KIF2C: variants seen among roughly 807,000 people sequenced by gnomAD.
KIF2C encodes kinesin family member 2C.
KIF2C carries 34 observed loss-of-function variants against 97.4 expected under a neutral mutation model. The observed-to-expected ratio is 0.35, with a 90% CI of 0.27 to 0.46. The LOEUF is 0.46. KIF2C is among the 20% of genes least tolerant of loss of function. The probability of loss-of-function intolerance (pLI) is 1.00; values close to 1 mark genes in which losing one functional copy is unlikely to be tolerated. For missense variants in KIF2C, 750 were observed against 907.6 expected (o/e 0.83, Z 2.23); for synonymous variants, 313 against 318.2 (o/e 0.98, Z 0.17).
At chr1:44,742,952 C>A (rs1311402691) in intron 2 of KIF2C, among the ~76,000 whole-genome samples, 1 of 152,154 alleles carries the variant, frequency 6.6e-6, no homozygotes, top group African/African-American at 2.4e-5. Flanking sequence ...GAGGTGGAAA[C>A]TTGCTGAGAA....
chr1:44,766,471 C>T (rs536277625), intron 19 of KIF2C, among the ~76,000 whole-genome samples: 3 of 151,108 alleles, frequency 2.0e-5, no homozygotes, highest in South Asian at 2.1e-4. Context: ...ATTAGCTGGG[C>T]GTGGTAGCAC....
intron 17 of KIF2C, 115 bp from the exon 18 acceptor site, chr1:44,762,231 A>G: frequency 2.0e-6 from 2 of 1,018,290 alleles, no homozygotes; most frequent in Non-Finnish European, 1.6e-6. Flanking sequence ...GGCTGAAGGC[A>G]AGGTTGCCAT....
At chr1:44,740,526 AG>A (rs1648879810) in intron 1 of KIF2C, among the ~76,000 whole-genome samples, 1 of 152,166 alleles carries the variant, frequency 6.6e-6, no homozygotes, top group South Asian at 2.1e-4. Flanking sequence ...GAAATGAGTT[AG>A]GAAAACCCCA....
chr1:44,747,330 T>C, intron 2 of KIF2C, 54 bp from the exon 3 acceptor site: 3 of 1,346,438 alleles, frequency 2.2e-6, no homozygotes, highest in Non-Finnish European at 1.0e-6. Context: ...AAAGAAAAAA[T>C]GTATTTGGAT....
intron 1 of KIF2C, 128 bp from the exon 2 acceptor site, chr1:44,740,785 T>TG (rs1052376113): frequency 4.0e-5 from 17 of 429,484 alleles, no homozygotes; most frequent in Non-Finnish European, 6.0e-5. Context: ...CTTAGTTTTT[T>TG]TTTTTTTTTT....
intron 19 of KIF2C, 73 bp downstream of exon 19, chr1:44,762,731 A>G (rs1650233760): frequency 5.1e-6 from 5 of 971,076 alleles, no homozygotes; most frequent in South Asian, 3.9e-5. Flanking sequence ...TTCCCAGAAC[A>G]TGACCTGGGC....
chr1:44,762,622 G>A lies in KIF2C; in HGVS notation c.1935G>A (p.Glu645=), dbSNP rs1650224784. The change falls in exon 19 of 21, where the codon GAG becomes GAA. Residue 645 remains glutamate, a synonymous_variant. Transcript: ENST00000372224. ...CCATGACTCAGATCAGGGAGCTGGA[G>A]GAGAAGGCTATGGAAGAGCTCAAGG... ...NEAMTQIREL[E]EKAMEELKEI... 3 of 1,614,002 alleles carry A rather than the reference G, an allele frequency of 1.9e-6. No homozygotes were observed. The highest frequency in any genetic ancestry group is 1.1e-5 in the South Asian group (1 of 91,082).
At chr1:44,752,841 T>C (rs1366488722) in intron 5 of KIF2C, among the ~76,000 whole-genome samples, 5 of 152,222 alleles carry the variant, frequency 3.3e-5, no homozygotes, top group African/African-American at 1.2e-4. Context: ...TGAGAACCCA[T>C]GCTTGGGTGA....
intron 2 of KIF2C, among the ~76,000 whole-genome samples, chr1:44,745,620 T>G (rs1649155282): frequency 6.6e-6 from 1 of 150,750 alleles, no homozygotes. Context: ...ATTACAGGCA[T>G]GCATCACACC....
chr1:44,763,304 G>GGGGC (rs1400679976), intron 19 of KIF2C, among the ~76,000 whole-genome samples: 3 of 152,174 alleles, frequency 2.0e-5, no homozygotes, highest in African/African-American at 7.2e-5. Context: ...TCCCAATGGT[G>GGGGC]GGGCGCTCAG....
At chr1:44,762,239 C>A in intron 17 of KIF2C, 107 bp from the exon 18 acceptor site, 1 of 1,077,592 alleles carries the variant, frequency 9.3e-7, no homozygotes, top group Non-Finnish European at 1.4e-6. Flanking sequence ...GCAAGGTTGC[C>A]ATTCCATCCC....
intron 10 of KIF2C, among the ~76,000 whole-genome samples, chr1:44,756,552 T>C (rs1224871421): frequency 1.4e-5 from 2 of 146,174 alleles, no homozygotes; most frequent in African/African-American, 5.1e-5. Flanking sequence ...TGCTTTTTTT[T>C]TTTTTTTTTT....
Position 44,753,268 on chromosome 1 carries a change from G to GC in KIF2C, c.562+15dup. ...CTGTGAACTCAGGTAGACACACTGA[G>GC]CTGTCTGCTGTTCTGCTTCTAGTGA... On this transcript the variant is annotated intron_variant, in intron 6 of 20. Transcript: ENST00000372224. 6.2e-7 allele frequency: 1 copy of GC among 1,605,776 alleles called. No individual in the cohort carries two copies. The highest frequency in any genetic ancestry group is 8.5e-7 in the Non-Finnish European group (1 of 1,173,868).
chr1:44,763,976 T>A (rs1195941553), intron 19 of KIF2C, among the ~76,000 whole-genome samples: 1 of 151,622 alleles, frequency 6.6e-6, no homozygotes, highest in East Asian at 1.9e-4. Context: ...AAGGTTGTAG[T>A]GAGTCAAGAT....
At chr1:44,759,733 A>C (rs1241748961) in intron 14 of KIF2C, among the ~76,000 whole-genome samples, 1 of 152,182 alleles carries the variant, frequency 6.6e-6, no homozygotes, top group Non-Finnish European at 1.5e-5. Context: ...CCCCAAAGGC[A>C]TGCTTCCTGG....
At chr1:44,755,426 T>G (rs922660970) in intron 8 of KIF2C, among the ~76,000 whole-genome samples, 18 of 152,250 alleles carry the variant, frequency 1.2e-4, no homozygotes, top group Admixed American at 9.8e-4. Flanking sequence ...CCACCACGCC[T>G]AGGTAATTTT....
Position 44,754,869 on chromosome 1 carries a change from C to T in KIF2C, c.759+24C>T, listed in dbSNP as rs372947890. 84 of 1,395,566 alleles carry T rather than the reference C, an allele frequency of 6.0e-5. No individual in the cohort carries two copies. In the African/African-American group the frequency reaches 9.9e-4, roughly 16 times the overall value. The allele number at this position is 1,395,566 out of a possible 1,614,324, so 86.4% of individuals were successfully genotyped here. On this transcript the variant is annotated intron_variant, in intron 8 of 20. Coordinates refer to ENST00000372224, the MANE Select transcript of KIF2C (RefSeq NM_006845.4). The stretch of plus-strand genomic sequence containing the variant: ...CTGTAAGTACATCCAAAGAACTTCT[C>T]TTTCTTAAGTGTACAATTGAGAGAC...
chr1:44,762,155 G>C (rs572584380), intron 17 of KIF2C, 172 bp downstream of exon 17: 4 of 830,508 alleles, frequency 4.8e-6, no homozygotes, highest in Non-Finnish European at 6.2e-6. Context: ...AATCCTCTCC[G>C]GGCCCTGCTG....
In KIF2C at chr1:44,760,411, C is replaced by G; in HGVS notation, c.1499C>G (p.Ala500Gly). ...GATCTGGCAGGGAATGAGCGAGGCG[C>G]GGACACTTCCAGTGCTGACCGGCAG... is the stretch of plus-strand genomic sequence containing the variant. ...LVDLAGNERG[A>G]DTSSADRQTR... The change falls in exon 15 of 21, where the codon GCG (alanine) becomes GGG (glycine). Residue 500 changes from alanine (A) to glycine (G), a missense_variant. Ala to Gly is a moderately conservative substitution (Grantham distance 60). Coordinates refer to ENST00000372224, the MANE Select transcript of KIF2C (RefSeq NM_006845.4). This position sits in a 1 kb window ranked among gnomAD's most constrained non-coding sequence, Gnocchi z 4.2. The G allele has an allele frequency of 6.2e-7, 1 of 1,614,216 alleles. No individual in the cohort carries two copies. The highest frequency in any genetic ancestry group is 8.5e-7 in the Non-Finnish European group (1 of 1,180,036).
Sources: gnomAD v4.1 joint callset for allele counts (sites outside exome capture counted in the v4.1 genomes callset) on GRCh38, gnomAD v4.1.1 for gene constraint, Gnocchi (gnomAD v3.1) non-coding constraint, MANE v1.5 for transcripts, NCBI Gene and HGNC (gene_info 2026-07-23, HGNC 2026-07-21) for gene names.